Variants in IL1RAPL2 observed in about 807,000 individuals in gnomAD.
IL1RAPL2 encodes the protein X-linked interleukin-1 receptor accessory protein-like 2.
Under a neutral mutation model 44.1 loss-of-function variants are expected in IL1RAPL2, and 3 were observed. The observed-to-expected ratio is 0.07, with a 90% CI of 0.03 to 0.18. IL1RAPL2 has a LOEUF of 0.18. IL1RAPL2 is among the 10% of genes least tolerant of loss of function. The pLI is 1.00. For missense variants in IL1RAPL2, 391 were observed against 496.4 expected (o/e 0.79, Z 2.02); for synonymous variants, 181 against 178.8 (o/e 1.01, Z -0.10).
chrX:104,606,269 C>A (rs984511281), intron 1 of IL1RAPL2, among the ~76,000 whole-genome samples: 2 of 111,548 alleles, frequency 1.8e-5, no homozygotes, highest in Non-Finnish European at 3.8e-5. Flanking sequence ...AAATTCAACA[C>A]CCCTTCATGC....
At chrX:105,380,654 A>G (rs2035423005) in intron 5 of IL1RAPL2, among the ~76,000 whole-genome samples, 1 of 111,826 alleles carries the variant, frequency 8.9e-6, no homozygotes, top group Admixed American at 9.5e-5. Context: ...CACAATGTCC[A>G]AAAAAACATT....
chrX:104,972,626 T>C (rs1194816244), intron 2 of IL1RAPL2, among the ~76,000 whole-genome samples: 1 of 111,627 alleles, frequency 9.0e-6, no homozygotes, highest in Non-Finnish European at 1.9e-5. Flanking sequence ...ATATTTACTA[T>C]AGAGTTTTGT....
In IL1RAPL2 at chrX:104,809,885, A is replaced by T. The variant is rs765540219; in HGVS notation, c.82+150890A>T. Among the ~76,000 whole-genome samples, 5 of 111,214 alleles carry T rather than the reference A, an allele frequency of 4.5e-5. No homozygotes were observed. In the South Asian group the frequency reaches 1.9e-3, roughly 42 times the overall value. On this transcript the variant is annotated intron_variant, in intron 2 of 10. Coordinates refer to ENST00000372582, the MANE Select transcript of IL1RAPL2 (RefSeq NM_017416.2). ...TCCTCAGGGATCTAGAACTAGAAAT[A>T]CCATTTGACCCAGCCATCCCATTAC...
intron 2 of IL1RAPL2, among the ~76,000 whole-genome samples, chrX:104,992,050 G>A (rs1009350534): frequency 9.0e-6 from 1 of 111,383 alleles, no homozygotes; most frequent in Non-Finnish European, 1.9e-5. Context: ...GGCAAGTGTG[G>A]CTTCTTGAAA....
At chrX:105,545,238 T>C (rs773517722) in intron 6 of IL1RAPL2, among the ~76,000 whole-genome samples, 11 of 112,368 alleles carry the variant, frequency 9.8e-5, no homozygotes, top group Non-Finnish European at 2.1e-4. Flanking sequence ...TCTTAGAAGG[T>C]AGATTTGCTA....
intron 2 of IL1RAPL2, among the ~76,000 whole-genome samples, chrX:104,865,059 ATACT>A (rs201861829): frequency 0.054 from 5,961 of 111,240 alleles, 426 homozygotes; most frequent in African/African-American, 0.18. Flanking sequence ...AGCTTAAGAC[ATACT>A]TACCCCCACA....
chrX:104,889,941 C>T (rs146148784), intron 2 of IL1RAPL2, among the ~76,000 whole-genome samples: 169 of 110,375 alleles, frequency 1.5e-3, no homozygotes, highest in African/African-American at 5.1e-3. Context: ...TAATGCTATC[C>T]CTCCCCCCTA....
At chrX:105,737,312 C>T (rs187798911) in intron 7 of IL1RAPL2, among the ~76,000 whole-genome samples, 6 of 110,847 alleles carry the variant, frequency 5.4e-5, no homozygotes, top group African/African-American at 2.0e-4. Context: ...CTGTGACAGG[C>T]AATTTATAAA....
At chrX:104,864,646 C>A (rs1346707784) in intron 2 of IL1RAPL2, among the ~76,000 whole-genome samples, 3 of 111,665 alleles carry the variant, frequency 2.7e-5, no homozygotes, top group Non-Finnish European at 5.6e-5. Flanking sequence ...GAGGCAGATC[C>A]TCCCCCAATC....
intron 2 of IL1RAPL2, among the ~76,000 whole-genome samples, chrX:104,690,933 C>A (rs1289627151): frequency 9.0e-6 from 1 of 111,583 alleles, no homozygotes; most frequent in Non-Finnish European, 1.9e-5. Context: ...CTTTCCATAC[C>A]CTTTGCTTAG....
intron 2 of IL1RAPL2, among the ~76,000 whole-genome samples, chrX:104,955,286 A>G (rs1925683866): frequency 9.0e-6 from 1 of 110,606 alleles, no homozygotes; most frequent in Non-Finnish European, 1.9e-5. Flanking sequence ...AATTGTTAGT[A>G]TAGCTGAAAT....
At chrX:105,367,733 G>A (rs1367366784) in intron 5 of IL1RAPL2, among the ~76,000 whole-genome samples, 1 of 111,205 alleles carries the variant, frequency 9.0e-6, no homozygotes, top group Admixed American at 9.6e-5. Context: ...GTTTATAATA[G>A]TTTTATCTTT....
At chrX:105,289,200 C>T (rs753485256) in intron 5 of IL1RAPL2, among the ~76,000 whole-genome samples, 4 of 110,533 alleles carry the variant, frequency 3.6e-5, no homozygotes, top group African/African-American at 1.3e-4. Flanking sequence ...GTGGTTGGGG[C>T]AGAGAGAGTA....
chrX:104,771,408 G>T (rs772312307), intron 2 of IL1RAPL2, among the ~76,000 whole-genome samples: 1 of 112,492 alleles, frequency 8.9e-6, no homozygotes, highest in Non-Finnish European at 1.9e-5. Flanking sequence ...AACTCAATTA[G>T]CCTGTCAGAT....
intron 2 of IL1RAPL2, among the ~76,000 whole-genome samples, chrX:104,701,762 T>G (rs751231160): frequency 1.8e-5 from 2 of 111,835 alleles, no homozygotes; most frequent in East Asian, 5.6e-4. Context: ...TTGATTTTCT[T>G]AGTACAGGTT....
At chrX:105,384,055 G>A (rs761531477) in intron 5 of IL1RAPL2, among the ~76,000 whole-genome samples, 1 of 111,129 alleles carries the variant, frequency 9.0e-6, no homozygotes, top group Admixed American at 9.6e-5. Context: ...CCATTTTGTA[G>A]GTTGTCTCTT....
At chrX:105,278,628 A>C (rs1284530771) in intron 5 of IL1RAPL2, among the ~76,000 whole-genome samples, 4 of 111,876 alleles carry the variant, frequency 3.6e-5, no homozygotes. Context: ...TATTAGGTCA[A>C]GGATTATACT....
At chrX:105,585,525 C>T (rs2037121108) in intron 6 of IL1RAPL2, among the ~76,000 whole-genome samples, 1 of 110,706 alleles carries the variant, frequency 9.0e-6, no homozygotes, top group African/African-American at 3.3e-5. Context: ...CACCTGCTGT[C>T]CCACAACAGC....
intron 2 of IL1RAPL2, among the ~76,000 whole-genome samples, chrX:104,715,692 AT>A (rs1187608213): frequency 8.4e-5 from 9 of 107,145 alleles, no homozygotes; most frequent in Non-Finnish European, 7.8e-5. Context: ...AAAAAAAAAA[AT>A]AATAAAATAA....
Sources: allele counts gnomAD v4.1 joint callset (sites outside exome capture counted in the v4.1 genomes callset), GRCh38; gene constraint gnomAD v4.1.1; transcripts MANE v1.5; gene names NCBI Gene and HGNC (gene_info 2026-07-23, HGNC 2026-07-21).